The following PDE11A variants were observed in gnomAD, a reference collection of about 807,000 sequenced individuals.
The protein encoded by PDE11A is phosphodiesterase 11A.
PDE11A carries 100 observed loss-of-function variants against 100.5 expected under a neutral mutation model. The ratio of observed to expected loss-of-function variants is 1.00; its 90% CI spans 0.85 to 1.18. PDE11A has a LOEUF of 1.18. Among genes scored for constraint, PDE11A ranks in the 50% most tolerant of loss-of-function variants. The probability of loss-of-function intolerance (pLI) is 0.00; values close to 1 mark genes in which losing one functional copy is unlikely to be tolerated. For synonymous variants in PDE11A, 381 were observed against 420.8 expected (o/e 0.91, Z 1.16); for missense variants, 1,141 against 1,152.6 (o/e 0.99, Z 0.15).
intron 1 of PDE11A, among the ~76,000 whole-genome samples, chr2:178,021,387 C>T (rs1185536184): frequency 6.6e-6 from 1 of 152,154 alleles, no homozygotes; most frequent in Non-Finnish European, 1.5e-5. Context: ...TCAAATTAAT[C>T]TAATGGGAGA....
chr2:177,997,563 T>C, intron 2 of PDE11A: 1 of 873,476 alleles, frequency 1.1e-6, no homozygotes, highest in South Asian at 1.3e-5. Flanking sequence ...TTCTGTTCTT[T>C]TCTGTTCTCA....
upstream of PDE11A, among the ~76,000 whole-genome samples, chr2:178,073,431 A>G (rs1227474878): frequency 6.6e-6 from 1 of 152,204 alleles, no homozygotes; most frequent in African/African-American, 2.4e-5. Context: ...CACAGTACAG[A>G]AAAAGAGTTT....
chr2:177,922,622 T>C, intron 2 of PDE11A: 1 of 921,138 alleles, frequency 1.1e-6, no homozygotes, highest in Non-Finnish European at 1.3e-6. Flanking sequence ...GTCCGGCTAA[T>C]TTTACCTGTT....
intron 10 of PDE11A, among the ~76,000 whole-genome samples, chr2:177,751,902 T>C (rs141894603): frequency 2.0e-5 from 3 of 152,306 alleles, no homozygotes; most frequent in Middle Eastern, 3.4e-3. Flanking sequence ...CTTGAGGTGA[T>C]TCTTCTGTTC....
intron 5 of PDE11A, among the ~76,000 whole-genome samples, chr2:177,845,487 G>A (rs1317074539): frequency 1.3e-5 from 2 of 151,654 alleles, no homozygotes; most frequent in Admixed American, 6.6e-5. Flanking sequence ...GCCGGGAAGA[G>A]GTGCTCCTCA....
Position 178,071,567 on chromosome 2 carries a change from C to G in PDE11A, c.871G>C (p.Gly291Arg), listed in dbSNP as rs767064669. 1 of 1,612,986 alleles carries G rather than the reference C, an allele frequency of 6.2e-7. No homozygotes were observed. The highest frequency in any genetic ancestry group is 8.5e-7 in the Non-Finnish European group (1 of 1,179,102). The change falls in exon 1 of 20, where the codon GGG (glycine) becomes CGG (arginine). Residue 291 changes from glycine (G) to arginine (R), a missense_variant. By Grantham distance (125) the Gly-to-Arg change is moderately radical (BLOSUM62 -2). Coordinates refer to ENST00000286063, the MANE Select transcript of PDE11A (RefSeq NM_016953.4). ...ATGTTGACCGTTTCTCCATGCTCCC[C>G]GACATAGCCAATGATACCTTTGCCC... ...PWGKGIIGYV[G>R]EHGETVNIPD...
chr2:178,071,415 T>C (rs578151916), intron 1 of PDE11A, 111 bp downstream of exon 1: 2 of 1,358,874 alleles, frequency 1.5e-6, no homozygotes, highest in Non-Finnish European at 2.1e-6. Context: ...ATAGCAAAAT[T>C]TGTATTGTAA....
chr2:177,987,470 G>A (rs1010273776), intron 2 of PDE11A, among the ~76,000 whole-genome samples: 1 of 152,102 alleles, frequency 6.6e-6, no homozygotes, highest in Non-Finnish European at 1.5e-5. Context: ...CTCAAAGTGG[G>A]GATAATGATA....
chr2:177,895,848 A>G (rs1275222546), intron 4 of PDE11A, among the ~76,000 whole-genome samples: 1 of 152,174 alleles, frequency 6.6e-6, no homozygotes, highest in African/African-American at 2.4e-5. Flanking sequence ...CAAATTATAC[A>G]TTAATAATTA....
chr2:178,088,596 A>G (rs2087386115), intron 2 of PDE11A, among the ~76,000 whole-genome samples: 1 of 152,254 alleles, frequency 6.6e-6, no homozygotes, highest in Non-Finnish European at 1.5e-5. Context: ...CTTTAATTAA[A>G]TGAAACAACA....
At chr2:177,950,208 C>T (rs2085489958) in intron 2 of PDE11A, among the ~76,000 whole-genome samples, 2 of 149,854 alleles carry the variant, frequency 1.3e-5, no homozygotes. Flanking sequence ...TTCCTACTTT[C>T]TGTTCTCTCC....
intron 9 of PDE11A, among the ~76,000 whole-genome samples, chr2:177,772,057 T>G (rs2082319214): frequency 6.6e-6 from 1 of 152,026 alleles, no homozygotes; most frequent in African/African-American, 2.4e-5. Flanking sequence ...TGATCATAAC[T>G]AATATAGTTA....
intron 4 of PDE11A, among the ~76,000 whole-genome samples, chr2:177,886,168 A>G (rs766986532): frequency 1.3e-5 from 2 of 152,236 alleles, no homozygotes; most frequent in Non-Finnish European, 2.9e-5. Flanking sequence ...ATAGGATGGA[A>G]TAACAGTAAG....
intron 19 of PDE11A, among the ~76,000 whole-genome samples, chr2:177,637,108 AGGGCC>A (rs2080050104): frequency 6.6e-6 from 1 of 152,250 alleles, no homozygotes; most frequent in Non-Finnish European, 1.5e-5. Flanking sequence ...GTGCTGGGCT[AGGGCC>A]GGGGCCTAAA....
At chr2:178,070,462 T>C (rs1005053980) in intron 1 of PDE11A, among the ~76,000 whole-genome samples, 1 of 152,196 alleles carries the variant, frequency 6.6e-6, no homozygotes, top group African/African-American at 2.4e-5. Context: ...GAGAAACATG[T>C]AGCTCCCTGA....
intron 1 of PDE11A, among the ~76,000 whole-genome samples, chr2:178,030,211 G>A (rs2086528044): frequency 6.6e-6 from 1 of 151,860 alleles, no homozygotes; most frequent in Admixed American, 6.6e-5. Flanking sequence ...AATAAAATGG[G>A]GCTAAAACTA....
At chr2:177,915,980 C>T (rs2084946356) in intron 2 of PDE11A, among the ~76,000 whole-genome samples, 1 of 152,232 alleles carries the variant, frequency 6.6e-6, no homozygotes, top group Admixed American at 6.5e-5. Context: ...GGCTTGTGGC[C>T]TGTCTATGAC....
chr2:178,072,062 C>CA lies in PDE11A; in HGVS notation c.375dup (p.Ala126CysfsTer14). On this transcript the variant is annotated frameshift_variant, in exon 1 of 20. Transcript: ENST00000286063. LOFTEE classifies it high-confidence loss of function. ...TTCACGTGGATGGCCTTGGAGCGGG[C>CA]AAAACTCTTCCTTAGCTCTTTCTGA... 2.5e-6 allele frequency: 4 copies of CA among 1,614,012 alleles called. No homozygotes were observed. The highest frequency in any genetic ancestry group is 3.4e-6 in the Non-Finnish European group (4 of 1,179,910).
At position 177,629,538 on chromosome 2, in the gene PDE11A, G is replaced by C; in HGVS notation, c.2671C>G (p.Leu891Val). 6.2e-7 allele frequency: 1 copy of C among 1,613,970 alleles called. No individual in the cohort carries two copies. The highest frequency in any genetic ancestry group is 8.5e-7 in the Non-Finnish European group (1 of 1,179,912). ...YQALVKVNVK[L>V]KPMLDSVATN... ...GCTACTGAATCTAGCATCGGCTTCA[G>C]TTTCACGTTGACCTTCACCAGTGCC... The change falls in exon 20 of 20, where the codon CTG (leucine) becomes GTG (valine). Residue 891 changes from leucine to valine, a missense_variant. Leu to Val is a conservative substitution (Grantham distance 32). Coordinates refer to ENST00000286063, the MANE Select transcript of PDE11A (RefSeq NM_016953.4).
Sources: allele counts gnomAD v4.1 joint callset (sites outside exome capture counted in the v4.1 genomes callset), GRCh38; gene constraint gnomAD v4.1.1; transcripts MANE v1.5; gene names NCBI Gene and HGNC (gene_info 2026-07-23, HGNC 2026-07-21).